ASTN1: variants seen among roughly 807,000 people sequenced by gnomAD.
ASTN1 encodes astrotactin 1.
In ASTN1, 41 loss-of-function variants were observed where a neutral mutation model predicts 140.7. That is an observed-to-expected ratio of 0.29 (90% CI 0.23 to 0.38). The LOEUF (loss-of-function observed/expected upper bound fraction) is 0.38, where lower values mean the gene tolerates loss of function less well. ASTN1 is among the 10% of genes least tolerant of loss of function. The probability of loss-of-function intolerance (pLI) is 1.00; values close to 1 mark genes in which losing one functional copy is unlikely to be tolerated. For synonymous variants in ASTN1, 640 were observed against 652.2 expected, an observed-to-expected ratio of 0.98 and a Z score of 0.29; for missense variants, 1,479 against 1,678.8, an observed-to-expected ratio of 0.88 and a Z score of 2.08.
At chr1:177,147,407 G>A (rs180814480) in intron 1 of ASTN1, among the ~76,000 whole-genome samples, 15 of 152,250 alleles carry the variant, frequency 9.9e-5, no homozygotes, top group Non-Finnish European at 2.2e-4. Context: ...CTAAGAAACT[G>A]TCTGCCTTTA....
chr1:177,159,480 G>T (rs190217310), intron 1 of ASTN1, among the ~76,000 whole-genome samples: 2 of 152,330 alleles, frequency 1.3e-5, no homozygotes, highest in Non-Finnish European at 2.9e-5. Context: ...TGTGTGAAAA[G>T]AATTGGGGAT....
At chr1:176,957,421 A>G (rs914701775) in intron 11 of ASTN1, among the ~76,000 whole-genome samples, 37 of 152,182 alleles carry the variant, frequency 2.4e-4, no homozygotes, top group Non-Finnish European at 1.2e-4. Context: ...CAATTAAGCA[A>G]TTATTTAGTT....
chr1:177,158,325 A>G (rs1304112665), intron 1 of ASTN1, among the ~76,000 whole-genome samples: 9 of 152,240 alleles, frequency 5.9e-5, no homozygotes, highest in Admixed American at 5.9e-4. Flanking sequence ...TAAAATGGTG[A>G]TAGATGACCA....
intron 1 of ASTN1, among the ~76,000 whole-genome samples, chr1:177,061,814 G>A (rs1678111019): frequency 6.6e-6 from 1 of 152,168 alleles, no homozygotes; most frequent in South Asian, 2.1e-4. Flanking sequence ...ATAGTCCACT[G>A]GAGATGTTTG....
chr1:177,051,569 T>C (rs1328858679), intron 2 of ASTN1, among the ~76,000 whole-genome samples: 3 of 152,224 alleles, frequency 2.0e-5, no homozygotes, highest in Non-Finnish European at 2.9e-5. Context: ...GTTTTCTCCA[T>C]GGACACATGG....
At chr1:177,160,718 A>G (rs1353305916) in intron 1 of ASTN1, among the ~76,000 whole-genome samples, 1 of 152,244 alleles carries the variant, frequency 6.6e-6, no homozygotes, top group Non-Finnish European at 1.5e-5. Context: ...CAGATATGAA[A>G]TATTAGTTGA....
intron 4 of ASTN1, among the ~76,000 whole-genome samples, 168 bp from the exon 5 acceptor site, chr1:177,029,909 G>T (rs1431361381): frequency 6.6e-6 from 1 of 152,196 alleles, no homozygotes; most frequent in Non-Finnish European, 1.5e-5. Flanking sequence ...GGATATGTTG[G>T]AGAAGTAGAC....
chr1:177,164,542 C>A lies in ASTN1; in HGVS notation c.135G>T (p.Leu45=). 1 of 1,613,972 alleles carries A rather than the reference C, an allele frequency of 6.2e-7. No homozygotes were observed. Among genetic ancestry groups the A allele is most frequent in the Non-Finnish European group, 8.5e-7 (1 of 1,179,950 alleles). Residue 45 remains leucine, a synonymous_variant, in exon 1 of 23, where the codon CTG becomes CTT. Transcript: ENST00000361833. ...TCAGGTCGTTCTCGCGCAGGAAGGG[C>A]AGTGCCGACACCGTGATGCTTTTGA... ...CKLKSITVSA[L]PFLRENDLSI... is the part of the protein sequence containing the mutation.
intron 1 of ASTN1, among the ~76,000 whole-genome samples, chr1:177,086,619 C>A (rs1250758284): frequency 6.6e-6 from 1 of 152,150 alleles, no homozygotes; most frequent in East Asian, 1.9e-4. Flanking sequence ...AATGACATGA[C>A]AAATCACTCA....
At chr1:176,906,572 C>T (rs1490979885) in intron 16 of ASTN1, among the ~76,000 whole-genome samples, 2 of 152,040 alleles carry the variant, frequency 1.3e-5, no homozygotes, top group Non-Finnish European at 2.9e-5. Flanking sequence ...ATCTACTTTG[C>T]GATGGGCCTC....
chr1:176,922,560 A>AAAAAAAAAAAC (rs1670780082), intron 16 of ASTN1, among the ~76,000 whole-genome samples: 1 of 83,720 alleles, frequency 1.2e-5, no homozygotes, highest in Non-Finnish European at 2.5e-5. Flanking sequence ...CCACTGCAAA[A>AAAAAAAAAAAC]AAAAAAAAAA....
At chr1:177,059,155 G>T (rs1397709605) in intron 2 of ASTN1, among the ~76,000 whole-genome samples, 1 of 151,998 alleles carries the variant, frequency 6.6e-6, no homozygotes, top group Non-Finnish European at 1.5e-5. Flanking sequence ...CTTTGAAATG[G>T]TCTCAGGCCA....
intron 14 of ASTN1, among the ~76,000 whole-genome samples, chr1:176,941,865 G>T (rs577985498): frequency 6.6e-6 from 1 of 152,180 alleles, no homozygotes; most frequent in Non-Finnish European, 1.5e-5. Context: ...CACACATGTG[G>T]AATGTGTCTG....
intron 8 of ASTN1, among the ~76,000 whole-genome samples, chr1:176,973,537 C>A (rs187119084): frequency 1.3e-5 from 2 of 152,304 alleles, no homozygotes; most frequent in South Asian, 2.1e-4. Context: ...TGACCGCTAA[C>A]CTCAAGTGGG....
At chr1:177,100,408 A>C (rs1375592019) in intron 1 of ASTN1, among the ~76,000 whole-genome samples, 1 of 152,172 alleles carries the variant, frequency 6.6e-6, no homozygotes. Flanking sequence ...ACATTTCCAG[A>C]ACAGAACAAG....
chr1:176,881,637 G>A (rs1195082176), intron 20 of ASTN1, among the ~76,000 whole-genome samples: 3 of 152,162 alleles, frequency 2.0e-5, no homozygotes, highest in African/African-American at 7.2e-5. Flanking sequence ...GAGAATCATG[G>A]CATTGGTGGA....
At chr1:176,975,002 G>T (rs570232152) in intron 8 of ASTN1, among the ~76,000 whole-genome samples, 1 of 152,288 alleles carries the variant, frequency 6.6e-6, no homozygotes, top group African/African-American at 2.4e-5. Context: ...AGGGAGAAGG[G>T]CTAGCTGCTC....
chr1:177,155,908 A>C (rs1683214819), intron 1 of ASTN1, among the ~76,000 whole-genome samples: 1 of 152,192 alleles, frequency 6.6e-6, no homozygotes, highest in South Asian at 2.1e-4. Flanking sequence ...GCCTAGAAGC[A>C]ACAACACTCC....
intron 10 of ASTN1, among the ~76,000 whole-genome samples, chr1:176,958,109 G>A (rs1349138810): frequency 6.6e-6 from 1 of 152,220 alleles, no homozygotes; most frequent in Non-Finnish European, 1.5e-5. Context: ...GTGTATGTGA[G>A]AAGTGCTTAC....
Sources: allele counts gnomAD v4.1 joint callset (sites outside exome capture counted in the v4.1 genomes callset), GRCh38; gene constraint gnomAD v4.1.1; transcripts MANE v1.5; gene names NCBI Gene and HGNC (gene_info 2026-07-23, HGNC 2026-07-21).